Variants in GJC2 observed in about 807,000 individuals in gnomAD.
The protein encoded by GJC2 is gap junction protein gamma 2, also known as gap junction gamma-2 protein.
For missense variants in GJC2, 647 were observed against 648.9 expected (o/e 1.00, Z 0.03); for synonymous variants, 336 against 307.5 (o/e 1.09, Z -0.97).
intron 1 of GJC2, among the ~76,000 whole-genome samples, chr1:228,153,245 A>C (rs2034641074): frequency 6.6e-6 from 1 of 152,058 alleles, no homozygotes; most frequent in South Asian, 2.1e-4. Flanking sequence ...AAAAGGGCCA[A>C]GGTGTGGATG....
rs754268505 is a variant in GJC2, at chr1:228,159,032, A to G, written c.1274A>G (p.Lys425Arg). The G allele has an allele frequency of 2.2e-5, 35 of 1,609,866 alleles. No homozygotes were observed. Among genetic ancestry groups the G allele is most frequent in the Non-Finnish European group, 2.8e-5 (33 of 1,179,574 alleles). ...PGAKPRAGSE[K>R]GSASSRDGKT... ...GCCAAGCCCAGGGCTGGCTCCGAGA[A>G]GGGCAGTGCCAGCAGCAGGGACGGG... Residue 425 changes from lysine (K) to arginine (R), a missense_variant, in exon 2 of 2, where the codon AAG (lysine) becomes AGG (arginine). Coordinates refer to ENST00000366714, the MANE Select transcript of GJC2 (RefSeq NM_020435.4). The surrounding 1 kb of genome is among the most constrained non-coding windows in gnomAD (Gnocchi z 4.0).
Position 228,158,223 on chromosome 1 carries a change from G to C in GJC2, c.465G>C (p.Glu155Asp). The C allele has an allele frequency of 6.7e-7, 1 of 1,501,630 alleles. No homozygotes were observed. Among genetic ancestry groups the C allele is most frequent in the Non-Finnish European group, 8.9e-7 (1 of 1,129,318 alleles). The allele number at this position is 1,501,630 out of a possible 1,614,324, so 93.0% of individuals were successfully genotyped here. ...TGCTGGGCCTGGGCGAGGAGGAGGA[G>C]GAGGAGGAGACGGGGGCAGCCGAGG... ...EPMLGLGEEE[E>D]EEETGAAEGA... is the part of the protein sequence containing the mutation. Residue 155 changes from glutamate to aspartate, a missense_variant, in exon 2 of 2, where the codon GAG (glutamate) becomes GAC (aspartate). Coordinates refer to ENST00000366714, the MANE Select transcript of GJC2 (RefSeq NM_020435.4). This position sits in a 1 kb window ranked among gnomAD's most constrained non-coding sequence, Gnocchi z 8.3.
At chr1:228,154,993 G>A (rs549397886) in intron 1 of GJC2, among the ~76,000 whole-genome samples, 10 of 152,310 alleles carry the variant, frequency 6.6e-5, no homozygotes, top group South Asian at 6.2e-4. Context: ...CTTTGCAGGC[G>A]CCAGAGCAAA....
chr1:228,156,723 C>T (rs1312831260), intron 1 of GJC2, among the ~76,000 whole-genome samples: 1 of 152,226 alleles, frequency 6.6e-6, no homozygotes, highest in Non-Finnish European at 1.5e-5. Context: ...CCTGCCTCAG[C>T]GACCCAGGAG....
In GJC2 at chr1:228,157,741, A is replaced by ACTCCCC; in HGVS notation, c.-17_-16insTCCCCC. On this transcript the variant is annotated splice_region_variant and 5_prime_UTR_variant, in exon 2 of 2. Coordinates refer to ENST00000366714, the MANE Select transcript of GJC2 (RefSeq NM_020435.4). ...GCTGACCCCTACCCCGCCCCACAGG[A>ACTCCCC]CCCGCCCGCCCGCCCCTATGACCAA... 1 of 354,470 alleles carries ACTCCCC rather than the reference A, an allele frequency of 2.8e-6. No individual in the cohort carries two copies. Among genetic ancestry groups the ACTCCCC allele is most frequent in the Non-Finnish European group, 5.6e-6 (1 of 177,092 alleles). The allele number at this position is 354,470 out of a possible 1,614,324, so 22.0% of individuals were successfully genotyped here.
rs1326989161 is a variant in GJC2 at position 228,152,365 on chromosome 1, G to A, written c.-20+2358G>A. 1.3e-5 allele frequency among the ~76,000 whole-genome samples: 2 copies of A among 152,124 alleles called. No homozygotes were observed. Among genetic ancestry groups the A allele is most frequent in the Non-Finnish European group, 2.9e-5 (2 of 68,012 alleles). On this transcript the variant is annotated intron_variant, in intron 1 of 1. Coordinates refer to ENST00000366714, the MANE Select transcript of GJC2 (RefSeq NM_020435.4). The surrounding 1 kb of genome is among the most constrained non-coding windows in gnomAD (Gnocchi z 7.3). The stretch of plus-strand genomic sequence containing the variant: ...CCTGACCCTGTGCTACACCCAGCAG[G>A]GCGGGGCTCGTTCTGCAGTGCCTCA...
Position 228,158,122 on chromosome 1 carries a change from C to A in GJC2, c.364C>A (p.Arg122Ser). The change falls in exon 2 of 2, where the codon CGC becomes AGC. Residue 122 changes from arginine (R) to serine (S), a missense_variant. By Grantham distance (110) the Arg-to-Ser change is moderately radical (BLOSUM62 -1). Coordinates refer to ENST00000366714, the MANE Select transcript of GJC2 (RefSeq NM_020435.4). The surrounding 1 kb of genome is among the most constrained non-coding windows in gnomAD (Gnocchi z 8.3). Reference protein sequence around the residue: ...RALRRRPGPRRAPRAHLPPPH... With the variant: ...RALRRRPGPRSAPRAHLPPPH... ...CCTCCGCCGCCGCCCGGGGCCACGC[C>A]GCGCGCCCCGAGCGCACCTGCCGCC... The A allele has an allele frequency of 8.1e-7, 1 of 1,235,272 alleles. No homozygotes were observed. The highest frequency in any genetic ancestry group is 1.0e-6 in the Non-Finnish European group (1 of 986,726). 76.5% of individuals were successfully genotyped at this position (1,235,272 alleles called of 1,614,324 possible). A position where few individuals can be genotyped will look rare whatever the true frequency, so the allele number is the denominator to read the frequency against.
chr1:228,157,111 T>C (rs1465714585), intron 1 of GJC2, among the ~76,000 whole-genome samples: 1 of 144,642 alleles, frequency 6.9e-6, no homozygotes, highest in Non-Finnish European at 1.5e-5. Flanking sequence ...TGGAGGATTT[T>C]GTGGAGGTGG....
chr1:228,157,826 T>TGGGCAAGGTGTGGC lies in GJC2; in HGVS notation c.69_82dup (p.Leu28ArgfsTer16). The TGGGCAAGGTGTGGC allele has an allele frequency of 6.6e-7, 1 of 1,517,498 alleles. No homozygotes were observed. The highest frequency in any genetic ancestry group is 8.9e-7 in the Non-Finnish European group (1 of 1,124,558). The allele number at this position is 1,517,498 out of a possible 1,614,324, so 94.0% of individuals were successfully genotyped here. On this transcript the variant is annotated frameshift_variant, in exon 2 of 2. Transcript: ENST00000366714. LOFTEE classifies it low-confidence loss of function (END_TRUNC). ...GAGATCCACAACCACTCCACCTTCG[T>TGGGCAAGGTGTGGC]GGGCAAGGTGTGGCTCACGGTGCTG...
At chr1:228,157,584 G>A (rs552786140) in intron 1 of GJC2, among the ~76,000 whole-genome samples, 156 bp from the exon 2 acceptor site, 108 of 152,332 alleles carry the variant, frequency 7.1e-4, no homozygotes, top group African/African-American at 2.5e-3. Context: ...GGCCGGATCA[G>A]GTGGGGGCTT....
chr1:228,157,856 T>G lies in GJC2; in HGVS notation c.98T>G (p.Val33Gly). The G allele has an allele frequency of 6.2e-7, 1 of 1,607,522 alleles. No homozygotes were observed. The highest frequency in any genetic ancestry group is 8.5e-7 in the Non-Finnish European group (1 of 1,177,746). The change falls in exon 2 of 2, where the codon GTC becomes GGC. Residue 33 changes from valine (V) to glycine (G), a missense_variant. Physicochemically the swap from Val to Gly is moderately radical, Grantham distance 109. Transcript: ENST00000366714. The part of the protein sequence containing the change: ...VGKVWLTVLV[V>G]FRIVLTAVGG... Reference sequence around the variant, plus strand: ...AAGGTGTGGCTCACGGTGCTGGTGGTCTTCCGCATCGTGCTGACGGCTGTG... The same window carrying G: ...AAGGTGTGGCTCACGGTGCTGGTGGGCTTCCGCATCGTGCTGACGGCTGTG...
rs1408852211 is a variant in GJC2 at position 228,158,021 on chromosome 1, C to G, written c.263C>G (p.Ser88Cys). 6.2e-7 allele frequency: 1 copy of G among 1,611,468 alleles called. No individual in the cohort carries two copies. Among genetic ancestry groups the G allele is most frequent in the South Asian group, 1.1e-5 (1 of 90,990 alleles). Residue 88 changes from serine (S) to cysteine (C), a missense_variant, in exon 2 of 2, where the codon TCC becomes TGC. Physicochemically the swap from Ser to Cys is moderately radical, Grantham distance 112. Transcript: ENST00000366714. The surrounding 1 kb of genome is among the most constrained non-coding windows in gnomAD (Gnocchi z 8.3). ...RFWVFQIVVISTPSVMYLGYA... is the reference protein window; with the variant it reads ...RFWVFQIVVICTPSVMYLGYA... ...TGGGTCTTCCAGATTGTGGTCATCT[C>G]CACGCCCTCGGTCATGTACCTGGGC...
chr1:228,152,428 T>TG lies in GJC2; in HGVS notation c.-20+2426dup, dbSNP rs890780369. On this transcript the variant is annotated intron_variant, in intron 1 of 1. Transcript: ENST00000366714. The surrounding 1 kb of genome is among the most constrained non-coding windows in gnomAD (Gnocchi z 7.3). Reference sequence around the variant, plus strand: ...AGACCCAGGATGAGCAGGAGCTTGATGGGGGAGGGGGCCCGGCTCTGACCG... The same window carrying TG: ...AGACCCAGGATGAGCAGGAGCTTGATGGGGGGAGGGGGCCCGGCTCTGACCG... 1.3e-5 allele frequency among the ~76,000 whole-genome samples: 2 copies of TG among 151,922 alleles called. No homozygotes were observed. Among genetic ancestry groups the TG allele is most frequent in the Non-Finnish European group, 2.9e-5 (2 of 67,940 alleles).
Position 228,158,680 on chromosome 1 carries a change from G to T in GJC2, c.922G>T (p.Ala308Ser). 1 of 1,065,992 alleles carries T rather than the reference G, an allele frequency of 9.4e-7. No homozygotes were observed. Among genetic ancestry groups the T allele is most frequent in the East Asian group, 6.9e-5 (1 of 14,522 alleles). 66.0% of individuals were successfully genotyped at this position (1,065,992 alleles called of 1,614,324 possible). Residue 308 changes from alanine to serine, a missense_variant, in exon 2 of 2, where the codon GCC becomes TCC. Ala to Ser is a moderately conservative substitution (Grantham distance 99). Transcript: ENST00000366714. The surrounding 1 kb of genome is among the most constrained non-coding windows in gnomAD (Gnocchi z 8.3). ...VRGRRGPPAS[A>S]PAPAPRPPPC... ...CGGCCGCCGCGGCCCCCCGGCCTCC[G>T]CCCCCGCCCCCGCGCCGCGGCCCCC...
chr1:228,153,478 C>T (rs4653909), intron 1 of GJC2, among the ~76,000 whole-genome samples: 128,305 of 151,372 alleles, frequency 0.85, 55,679 homozygotes, highest in Non-Finnish European at 0.95. Context: ...TCTTTCCCTC[C>T]GGGGTTCAAG....
rs959601919 is a variant in GJC2, at chr1:228,150,273, G to T, written c.-20+266G>T. 6.6e-6 allele frequency among the ~76,000 whole-genome samples: 1 copy of T among 152,168 alleles called. No homozygotes were observed. The highest frequency in any genetic ancestry group is 2.4e-5 in the African/African-American group (1 of 41,444). The stretch of plus-strand genomic sequence containing the variant: ...CGCAGGGTGGGCACCAACCGGTGGG[G>T]TCTGCTCTGGGACAGCTGGCAAGCG... On this transcript the variant is annotated intron_variant, in intron 1 of 1. Transcript: ENST00000366714. This position sits in a 1 kb window ranked among gnomAD's most constrained non-coding sequence, Gnocchi z 4.6.
Position 228,157,833 on chromosome 1 carries a change from G to A in GJC2, c.75G>A (p.Lys25=), listed in dbSNP as rs1276332772. 2 of 1,596,460 alleles carry A rather than the reference G, an allele frequency of 1.3e-6. No homozygotes were observed. Among genetic ancestry groups the A allele is most frequent in the South Asian group, 1.1e-5 (1 of 89,610 alleles). Residue 25 remains lysine, a synonymous_variant, in exon 2 of 2, where the codon AAG becomes AAA. Transcript: ENST00000366714. ...EIHNHSTFVG[K]VWLTVLVVFR... ...ACAACCACTCCACCTTCGTGGGCAA[G>A]GTGTGGCTCACGGTGCTGGTGGTCT...
In GJC2 at chr1:228,157,741, A is replaced by ACACCCCCCCCCC; in HGVS notation, c.-17_-16insACCCCCCCCCCC. On this transcript the variant is annotated splice_region_variant and 5_prime_UTR_variant, in exon 2 of 2. Coordinates refer to ENST00000366714, the MANE Select transcript of GJC2 (RefSeq NM_020435.4). ...GCTGACCCCTACCCCGCCCCACAGG[A>ACACCCCCCCCCC]CCCGCCCGCCCGCCCCTATGACCAA... The ACACCCCCCCCCC allele has an allele frequency of 2.8e-6, 1 of 354,470 alleles. No individual in the cohort carries two copies. The highest frequency in any genetic ancestry group is 5.6e-6 in the Non-Finnish European group (1 of 177,092). 22.0% of individuals were successfully genotyped at this position (354,470 alleles called of 1,614,324 possible). A position where few individuals can be genotyped will look rare whatever the true frequency, so the allele number is the denominator to read the frequency against.
rs887640835 is a variant in GJC2 at position 228,150,205 on chromosome 1, C to A, written c.-20+198C>A. 6.6e-5 allele frequency among the ~76,000 whole-genome samples: 10 copies of A among 152,166 alleles called. No homozygotes were observed. The highest frequency in any genetic ancestry group is 2.4e-4 in the African/African-American group (10 of 41,434). On this transcript the variant is annotated intron_variant, in intron 1 of 1. Coordinates refer to ENST00000366714, the MANE Select transcript of GJC2 (RefSeq NM_020435.4). This position sits in a 1 kb window ranked among gnomAD's most constrained non-coding sequence, Gnocchi z 4.6. ...GCTCCACGCAGATGGTGGGGTGGCC[C>A]CCCCACTCCATGTCTGTGTCCTTCA...
Sources: allele counts gnomAD v4.1 joint callset (sites outside exome capture counted in the v4.1 genomes callset), GRCh38; gene constraint gnomAD v4.1.1; non-coding constraint Gnocchi (gnomAD v3.1); transcripts MANE v1.5; gene names NCBI Gene and HGNC (gene_info 2026-07-23, HGNC 2026-07-21).